Variants in SUN3 observed in about 807,000 individuals in gnomAD.
SUN3 encodes the protein SUN domain-containing protein 3.
A neutral mutation model predicts 48.2 loss-of-function variants in SUN3; 36 were observed. That is an observed-to-expected ratio of 0.75 (90% CI 0.57 to 0.99). The LOEUF is 0.99. SUN3 is among the 50% of genes least tolerant of loss of function. The pLI is 0.00. For missense variants in SUN3, 419 were observed against 433.1 expected (o/e 0.97, Z 0.29); for synonymous variants, 148 against 147.9 (o/e 1.00, Z 0.00).
In SUN3 at chr7:48,025,873, T is replaced by C. The variant is rs567450790; in HGVS notation, c.184+4A>G. 58 of 1,589,090 alleles carry C rather than the reference T, an allele frequency of 3.6e-5. No individual in the cohort carries two copies. In the South Asian group the frequency reaches 6.0e-4, roughly 17 times the overall value. On this transcript the variant is annotated splice_donor_region_variant and intron_variant, in intron 2 of 9. Transcript: ENST00000297325. ...TTTAAGGATCATTACTTAGGAAGACTTACCTACAAGAAGAAAAGTCAGTGT... is the reference window on the plus strand; with the variant it reads ...TTTAAGGATCATTACTTAGGAAGACCTACCTACAAGAAGAAAAGTCAGTGT...
At chr7:47,993,678 G>A (rs545280059) in intron 8 of SUN3, among the ~76,000 whole-genome samples, 1 of 152,250 alleles carries the variant, frequency 6.6e-6, no homozygotes, top group South Asian at 2.1e-4. Context: ...GGAATAGGAG[G>A]TGACGGCTAA....
chr7:47,994,266 C>G (rs769913226), intron 8 of SUN3, 49 bp downstream of exon 8: 12 of 1,598,076 alleles, frequency 7.5e-6, no homozygotes, highest in Non-Finnish European at 9.4e-6. Context: ...TCCTAGCCAA[C>G]CACCTTCTAT....
intron 2 of SUN3, among the ~76,000 whole-genome samples, chr7:48,022,850 A>G (rs1790037744): frequency 6.6e-6 from 1 of 152,140 alleles, no homozygotes; most frequent in Admixed American, 6.5e-5. Flanking sequence ...TATAGAGGCC[A>G]GAAGACAGTG....
chr7:48,023,358 C>T (rs1175514825), intron 2 of SUN3, among the ~76,000 whole-genome samples: 1 of 151,926 alleles, frequency 6.6e-6, no homozygotes, highest in Non-Finnish European at 1.5e-5. Context: ...TAAATTTAAA[C>T]TATATTGTTA....
intron 9 of SUN3, among the ~76,000 whole-genome samples, chr7:47,987,859 A>G (rs191843289): frequency 6.6e-6 from 1 of 152,230 alleles, no homozygotes; most frequent in African/African-American, 2.4e-5. Context: ...TTCTAACATA[A>G]CTATTTTCAA....
At chr7:47,991,506 G>A (rs1183038679) in intron 8 of SUN3, among the ~76,000 whole-genome samples, 1 of 145,778 alleles carries the variant, frequency 6.9e-6, no homozygotes, top group South Asian at 2.2e-4. Flanking sequence ...AAGGCAGGCT[G>A]TTTAACCCAG....
intron 1 of SUN3, 49 bp from the exon 2 acceptor site, chr7:48,025,987 C>A: frequency 7.5e-7 from 1 of 1,335,962 alleles, no homozygotes; most frequent in Admixed American, 1.9e-5. Context: ...CAACATCATG[C>A]ATTTAACTTG....
intron 4 of SUN3, among the ~76,000 whole-genome samples, chr7:48,008,119 C>A (rs1277139949): frequency 6.6e-6 from 1 of 152,122 alleles, no homozygotes; most frequent in Non-Finnish European, 1.5e-5. Flanking sequence ...CCACCACGCC[C>A]GGCCAAGAAT....
At chr7:48,003,149 T>C (rs780104751) in intron 6 of SUN3, among the ~76,000 whole-genome samples, 1 of 152,226 alleles carries the variant, frequency 6.6e-6, no homozygotes, top group Non-Finnish European at 1.5e-5. Flanking sequence ...TAGCCAGTTA[T>C]TCCAGCACCA....
intron 6 of SUN3, 117 bp downstream of exon 6, chr7:48,005,852 C>CT: frequency 1.6e-5 from 8 of 487,760 alleles, no homozygotes; most frequent in Middle Eastern, 3.3e-4. Flanking sequence ...GATTAATTTC[C>CT]CCCCCCCAAG....
At position 48,007,147 on chromosome 7, in the gene SUN3, C is replaced by T; in HGVS notation, c.492+18G>A. On this transcript the variant is annotated intron_variant, in intron 5 of 9. Coordinates refer to ENST00000297325, the MANE Select transcript of SUN3 (RefSeq NM_001030019.2). ...CCACCACCCCACCCTGCCCAACCCG[C>T]CTAGCCTCATCCAGGACCTCTGTGT... 6.2e-7 allele frequency: 1 copy of T among 1,609,656 alleles called. No homozygotes were observed. Among genetic ancestry groups the T allele is most frequent in the Non-Finnish European group, 8.5e-7 (1 of 1,177,840 alleles).
chr7:47,992,024 C>T (rs1252957074), intron 8 of SUN3, among the ~76,000 whole-genome samples: 1 of 152,164 alleles, frequency 6.6e-6, no homozygotes, highest in Admixed American at 6.5e-5. Flanking sequence ...TCCCCAGCAG[C>T]TCATGGTGTG....
rs146722216 is a variant in SUN3, at chr7:48,018,887, C to T, written c.185-1522G>A. On this transcript the variant is annotated intron_variant, in intron 2 of 9. Coordinates refer to ENST00000297325, the MANE Select transcript of SUN3 (RefSeq NM_001030019.2). ...AGACAAAAACTTTATATCAGCTGTT[C>T]TACATATGTTCAAAAACTAAAGGAA... is the stretch of plus-strand genomic sequence containing the variant. 4.2e-3 allele frequency among the ~76,000 whole-genome samples: 639 copies of T among 152,086 alleles called. 4 individuals carry two copies. Among genetic ancestry groups the T allele is most frequent in the Non-Finnish European group, 6.6e-3 (449 of 67,966 alleles).
upstream of SUN3, among the ~76,000 whole-genome samples, chr7:48,032,719 A>C (rs1266064740): frequency 6.6e-6 from 1 of 152,236 alleles, no homozygotes; most frequent in African/African-American, 2.4e-5. Flanking sequence ...TATGTTCTAG[A>C]GGGAAAGACT....
intron 9 of SUN3, 67 bp from the exon 10 acceptor site, chr7:47,987,516 C>A: frequency 7.3e-7 from 1 of 1,365,926 alleles, no homozygotes; most frequent in South Asian, 1.8e-5. Context: ...CCAATGAATA[C>A]TGATATAATT....
chr7:48,014,276 T>C lies in SUN3; in HGVS notation c.288+2986A>G, dbSNP rs369352519. On this transcript the variant is annotated intron_variant, in intron 3 of 9. Transcript: ENST00000297325. ...AAAGGGTTGAATTTGCTGTTGAGTA[T>C]GCTGGTTAGTCTAAAATCGGAAGGT... 3.9e-5 allele frequency among the ~76,000 whole-genome samples: 6 copies of C among 152,214 alleles called. No homozygotes were observed. The South Asian group carries it at 6.2e-4, about 16-fold the overall frequency.
chr7:48,002,438 G>A (rs1370335486), intron 6 of SUN3, among the ~76,000 whole-genome samples: 1 of 151,530 alleles, frequency 6.6e-6, no homozygotes, highest in African/African-American at 2.4e-5. Flanking sequence ...GATTACAGGC[G>A]TGAGCCACCG....
intron 7 of SUN3, among the ~76,000 whole-genome samples, chr7:47,995,129 A>T (rs984304365): frequency 6.6e-6 from 1 of 151,296 alleles, no homozygotes; most frequent in Non-Finnish European, 1.5e-5. Flanking sequence ...GGTGGTGATG[A>T]AGGTAGTGGT....
At chr7:48,017,142 A>T in intron 3 of SUN3, 120 bp downstream of exon 3, 2 of 607,670 alleles carry the variant, frequency 3.3e-6, no homozygotes, top group Non-Finnish European at 5.7e-6. Flanking sequence ...TCCATTTCCT[A>T]CATTAATTTT....
Sources: gnomAD v4.1 joint callset for allele counts (sites outside exome capture counted in the v4.1 genomes callset) on GRCh38, gnomAD v4.1.1 for gene constraint, MANE v1.5 for transcripts, NCBI Gene and HGNC (gene_info 2026-07-23, HGNC 2026-07-21) for gene names.